The following N4BP1 variants were observed in gnomAD, a reference collection of about 807,000 sequenced individuals.
N4BP1 encodes the protein NEDD4-binding protein 1.
In N4BP1, 21 loss-of-function variants were observed where a neutral mutation model predicts 70.9. The ratio of observed to expected loss-of-function variants is 0.30; its 90% CI spans 0.21 to 0.43. The LOEUF is 0.43. N4BP1 is among the 20% of genes least tolerant of loss of function. The pLI, the probability that N4BP1 is intolerant of heterozygous loss-of-function variation, is 1.00. For missense variants in N4BP1, 936 were observed against 1,069.4 expected (o/e 0.88, Z 1.74); for synonymous variants, 387 against 394.6 (o/e 0.98, Z 0.23).
chr16:48,546,173 C>T lies in N4BP1; in HGVS notation c.2307G>A (p.Glu769=). ...TAAGACAGACTTCCTTCTGAAGAAA[C>T]TCCTCTAATCGAGGTCCACTTCTTC... ...PLGRSGPRLE[E]FLQKEVCLRD... The change falls in exon 6 of 7, where the codon GAG becomes GAA. Residue 769 remains glutamate (E), a synonymous_variant. Transcript: ENST00000262384. 6.2e-7 allele frequency: 1 copy of T among 1,612,390 alleles called. No homozygotes were observed. The highest frequency in any genetic ancestry group is 8.5e-7 in the Non-Finnish European group (1 of 1,178,972).
intron 1 of N4BP1, among the ~76,000 whole-genome samples, chr16:48,585,260 TCA>T (rs1964227781): frequency 6.6e-6 from 1 of 152,086 alleles, no homozygotes; most frequent in African/African-American, 2.4e-5. Flanking sequence ...AATGTTTTTC[TCA>T]CAGAGATTAA....
intron 5 of N4BP1, 132 bp downstream of exon 5, chr16:48,547,875 A>G: frequency 1.6e-6 from 1 of 634,468 alleles, no homozygotes; most frequent in Non-Finnish European, 2.8e-6. Context: ...GCACAGTCTT[A>G]TGATACTTTG....
intron 1 of N4BP1, among the ~76,000 whole-genome samples, chr16:48,590,712 T>G (rs997326228): frequency 6.6e-6 from 1 of 152,162 alleles, no homozygotes; most frequent in Non-Finnish European, 1.5e-5. Context: ...CAATAACTGT[T>G]CCCCTATCAC....
At chr16:48,601,965 G>A (rs567013899) in intron 1 of N4BP1, among the ~76,000 whole-genome samples, 127 of 152,332 alleles carry the variant, frequency 8.3e-4, no homozygotes, top group African/African-American at 2.9e-3. Context: ...GCTCATGCCT[G>A]TAATCCTACC....
chr16:48,557,389 C>T (rs779579588), intron 2 of N4BP1, among the ~76,000 whole-genome samples: 6 of 152,158 alleles, frequency 3.9e-5, no homozygotes. Context: ...TGGGGAAAGA[C>T]ATTATGGGCC....
rs377563346 is a variant in N4BP1 at position 48,548,131 on chromosome 16, G to C, written c.2118-17C>G. ...AGTAGAAACCTATGGTAATATAAGAGAGTTTAAAATCAGCAACAGGCATCC... is the reference window on the plus strand; with the variant it reads ...AGTAGAAACCTATGGTAATATAAGACAGTTTAAAATCAGCAACAGGCATCC... On this transcript the variant is annotated splice_polypyrimidine_tract_variant and intron_variant, in intron 4 of 6. Transcript: ENST00000262384. 142 of 1,496,096 alleles carry C rather than the reference G, an allele frequency of 9.5e-5. 1 individual carries two copies. In the Middle Eastern group the frequency reaches 1.4e-3, roughly 14 times the overall value. The allele number at this position is 1,496,096 out of a possible 1,614,324, so 92.7% of individuals were successfully genotyped here.
intron 1 of N4BP1, among the ~76,000 whole-genome samples, chr16:48,593,974 C>G (rs995313205): frequency 2.9e-5 from 4 of 136,490 alleles, no homozygotes; most frequent in Admixed American, 7.5e-5. Flanking sequence ...TGCACTCCAG[C>G]CTGGGTGCCA....
At chr16:48,596,296 T>C (rs1205485768) in intron 1 of N4BP1, among the ~76,000 whole-genome samples, 1 of 152,232 alleles carries the variant, frequency 6.6e-6, no homozygotes, top group African/African-American at 2.4e-5. Flanking sequence ...TAGAACTCAG[T>C]ATTTAAATGT....
At position 48,545,111 on chromosome 16, in the gene N4BP1, C is replaced by T. The variant is rs192150997; in HGVS notation, c.2333+1036G>A. Among the ~76,000 whole-genome samples the T allele has an allele frequency of 1.6e-4, 24 of 152,030 alleles. No homozygotes were observed. In the East Asian group the frequency reaches 4.3e-3, roughly 27 times the overall value. On this transcript the variant is annotated intron_variant, in intron 6 of 6. Coordinates refer to ENST00000262384, the MANE Select transcript of N4BP1 (RefSeq NM_153029.4). ...TCCCAAGCAGCTGGGATTACAGGCA[C>T]GCACCACCACACCCAGCTAATTTTT...
intron 1 of N4BP1, among the ~76,000 whole-genome samples, chr16:48,572,335 A>T (rs1964030467): frequency 6.6e-6 from 1 of 152,358 alleles, no homozygotes; most frequent in East Asian, 1.9e-4. Flanking sequence ...AAGTCCCACA[A>T]GAAAAATCCT....
At position 48,543,363 on chromosome 16, in the gene N4BP1, C is replaced by CCG. The variant is rs201839472; in HGVS notation, c.2334-104_2334-103dup. The CCG allele has an allele frequency of 2.0e-5, 19 of 973,258 alleles. No homozygotes were observed. In the East Asian group the frequency reaches 5.0e-4, roughly 26 times the overall value. The allele number at this position is 973,258 out of a possible 1,614,324, so 60.3% of individuals were successfully genotyped here. On this transcript the variant is annotated intron_variant, in intron 6 of 6. Transcript: ENST00000262384. ...GCGGCAGGCCTTGAGGCTCAGGATGCCGCTCCCTGGCTTCCAAAGGCAGGA... is the reference window on the plus strand; with the variant it reads ...GCGGCAGGCCTTGAGGCTCAGGATGCCGCGCTCCCTGGCTTCCAAAGGCAGGA...
intron 2 of N4BP1, among the ~76,000 whole-genome samples, chr16:48,557,104 T>C (rs983305074): frequency 1.3e-5 from 2 of 152,206 alleles, no homozygotes; most frequent in African/African-American, 4.8e-5. Flanking sequence ...GTTTTCATGG[T>C]GGTATGGGCT....
intron 1 of N4BP1, among the ~76,000 whole-genome samples, chr16:48,573,406 ACATGGTGAAACCC>A (rs929080512): frequency 8.5e-5 from 13 of 152,200 alleles, no homozygotes; most frequent in African/African-American, 2.9e-4. Flanking sequence ...AGCCTGGCCA[ACATGGTGAAACCC>A]CATCTCTACT....
chr16:48,577,734 G>A (rs965038891), intron 1 of N4BP1: 1 of 178,206 alleles, frequency 5.6e-6, no homozygotes, highest in Non-Finnish European at 1.2e-5. Context: ...TCCTGGCTGA[G>A]GTGTAGCAAT....
chr16:48,595,662 T>C (rs1964401791), intron 1 of N4BP1, among the ~76,000 whole-genome samples: 1 of 152,196 alleles, frequency 6.6e-6, no homozygotes, highest in Non-Finnish European at 1.5e-5. Flanking sequence ...TTTTCTTTTC[T>C]AACAGGACAC....
intron 1 of N4BP1, among the ~76,000 whole-genome samples, chr16:48,571,201 A>G (rs1964015693): frequency 6.6e-6 from 1 of 152,204 alleles, no homozygotes; most frequent in Admixed American, 6.5e-5. Flanking sequence ...GTCAAATACT[A>G]TTGAGATTAC....
intron 6 of N4BP1, among the ~76,000 whole-genome samples, chr16:48,545,801 G>A (rs965416837): frequency 2.0e-5 from 3 of 152,006 alleles, no homozygotes; most frequent in East Asian, 1.9e-4. Context: ...TGAGGAAGGC[G>A]GATTCCTTGA....
chr16:48,593,718 A>G (rs1020484398), intron 1 of N4BP1, among the ~76,000 whole-genome samples: 2 of 152,186 alleles, frequency 1.3e-5, no homozygotes, highest in African/African-American at 4.8e-5. Context: ...ATGCTATTAA[A>G]CTAAATTTAG....
chr16:48,570,228 A>G (rs1230322724), intron 1 of N4BP1, among the ~76,000 whole-genome samples: 1 of 152,160 alleles, frequency 6.6e-6, no homozygotes, highest in Non-Finnish European at 1.5e-5. Flanking sequence ...CTGAAACCAG[A>G]AGGCTTTTCC....
Sources: gnomAD v4.1 joint callset for allele counts (sites outside exome capture counted in the v4.1 genomes callset) on GRCh38, gnomAD v4.1.1 for gene constraint, MANE v1.5 for transcripts, NCBI Gene and HGNC (gene_info 2026-07-23, HGNC 2026-07-21) for gene names.